Variants in SAMD4A observed in about 807,000 individuals in gnomAD.
SAMD4A encodes sterile alpha motif domain containing 4A, also known as protein Smaug homolog 1.
Under a neutral mutation model 81.3 loss-of-function variants are expected in SAMD4A, and 33 were observed. The observed-to-expected ratio is 0.41, with a 90% CI of 0.31 to 0.54. The LOEUF (loss-of-function observed/expected upper bound fraction) is 0.54, where lower values mean the gene tolerates loss of function less well. SAMD4A is among the 20% of genes least tolerant of loss of function. The pLI is 0.37. For missense variants in SAMD4A, 854 were observed against 951.1 expected, an observed-to-expected ratio of 0.90 and a Z score of 1.34; for synonymous variants, 389 against 382.1, an observed-to-expected ratio of 1.02 and a Z score of -0.21.
Position 54,568,014 on chromosome 14 carries a change from T to C in SAMD4A, c.98T>C (p.Val33Ala), listed in dbSNP as rs764016404. The change falls in exon 2 of 13, where the codon GTG (valine) becomes GCG (alanine). Residue 33 changes from valine (V) to alanine (A), a missense_variant. By Grantham distance (64) the Val-to-Ala change is moderately conservative. Coordinates refer to ENST00000554335, the MANE Select transcript of SAMD4A (RefSeq NM_015589.6). ...GCGCTGCTGTCGCTGCTCAAGCGCG[T>C]GAGCCAGACCCAGGCCCGCTTCCTC... ...TVALLSLLKR[V>A]SQTQARFLQL... 2 of 1,607,742 alleles carry C rather than the reference T, an allele frequency of 1.2e-6. No individual in the cohort carries two copies. The highest frequency in any genetic ancestry group is 1.7e-6 in the Non-Finnish European group (2 of 1,179,492).
chr14:54,722,186 C>T (rs546550637), intron 3 of SAMD4A, among the ~76,000 whole-genome samples: 2 of 152,124 alleles, frequency 1.3e-5, no homozygotes, highest in East Asian at 1.9e-4. Context: ...GGTGGCAGTC[C>T]CTCTGACCAG....
intron 3 of SAMD4A, among the ~76,000 whole-genome samples, chr14:54,706,899 G>A (rs1176215776): frequency 6.6e-6 from 1 of 152,120 alleles, no homozygotes; most frequent in Non-Finnish European, 1.5e-5. Flanking sequence ...CTAGGCATAG[G>A]AGTGACATGC....
At chr14:54,592,026 G>T (rs1290469897) in intron 2 of SAMD4A, among the ~76,000 whole-genome samples, 4 of 151,872 alleles carry the variant, frequency 2.6e-5, no homozygotes, top group Non-Finnish European at 4.4e-5. Context: ...AGCTTAAACT[G>T]CCCTTCCTCC....
chr14:54,740,121 G>A (rs574445349), intron 4 of SAMD4A, among the ~76,000 whole-genome samples: 1 of 152,362 alleles, frequency 6.6e-6, no homozygotes, highest in Non-Finnish European at 1.5e-5. Context: ...AGTGAGCCAA[G>A]ATCGCGCCAC....
At chr14:54,757,812 G>A (rs1049440974) in intron 6 of SAMD4A, among the ~76,000 whole-genome samples, 14 of 152,174 alleles carry the variant, frequency 9.2e-5, no homozygotes, top group South Asian at 4.1e-4. Context: ...TGGTTGGGCC[G>A]TTGGCAGGAC....
Position 54,617,361 on chromosome 14 carries a change from A to G in SAMD4A, c.196+49249A>G, listed in dbSNP as rs571495136. On this transcript the variant is annotated intron_variant, in intron 2 of 12. Transcript: ENST00000554335. ...CAAACTATATTACAAGAACATGCATATGTGAATTCCTATTAATATTGAAAG... is the reference window on the plus strand; with the variant it reads ...CAAACTATATTACAAGAACATGCATGTGTGAATTCCTATTAATATTGAAAG... Among the ~76,000 whole-genome samples the G allele has an allele frequency of 3.3e-4, 51 of 152,326 alleles. 1 individual carries two copies. In the South Asian group the frequency reaches 7.0e-3, roughly 21 times the overall value.
At chr14:54,753,252 T>C (rs184056090) in intron 6 of SAMD4A, among the ~76,000 whole-genome samples, 4 of 152,394 alleles carry the variant, frequency 2.6e-5, no homozygotes, top group East Asian at 1.9e-4. Flanking sequence ...GGAAGAAACC[T>C]TGGACAATAC....
chr14:54,765,026 C>G (rs1180695366), intron 8 of SAMD4A, among the ~76,000 whole-genome samples: 1 of 152,146 alleles, frequency 6.6e-6, no homozygotes, highest in Non-Finnish European at 1.5e-5. Flanking sequence ...GCCACATATC[C>G]TTTTGGAGGA....
intron 2 of SAMD4A, among the ~76,000 whole-genome samples, chr14:54,646,272 T>C (rs1346571104): frequency 2.0e-5 from 3 of 152,200 alleles, no homozygotes; most frequent in Non-Finnish European, 4.4e-5. Flanking sequence ...TGAGAGCCAG[T>C]TGAAGCTTTC....
At chr14:54,575,694 T>C (rs1055787121) in intron 2 of SAMD4A, among the ~76,000 whole-genome samples, 2 of 152,244 alleles carry the variant, frequency 1.3e-5, no homozygotes, top group African/African-American at 4.8e-5. Context: ...GTGTGTTTCA[T>C]ATGATGGAAT....
chr14:54,736,162 A>G (rs2037686476), intron 3 of SAMD4A, among the ~76,000 whole-genome samples: 1 of 152,128 alleles, frequency 6.6e-6, no homozygotes, highest in South Asian at 2.1e-4. Context: ...ACTTCAATTT[A>G]ATTTGGCTAG....
At chr14:54,756,154 T>A (rs2038232858) in intron 6 of SAMD4A, among the ~76,000 whole-genome samples, 1 of 152,144 alleles carries the variant, frequency 6.6e-6, no homozygotes, top group Non-Finnish European at 1.5e-5. Flanking sequence ...ACCAGTAAGG[T>A]GCATTGTATA....
At chr14:54,696,358 T>G (rs890071203) in intron 2 of SAMD4A, among the ~76,000 whole-genome samples, 2 of 152,252 alleles carry the variant, frequency 1.3e-5, no homozygotes, top group African/African-American at 4.8e-5. Context: ...ACATGATGTG[T>G]CTAGGATTGA....
At chr14:54,728,459 G>A (rs2037479572) in intron 3 of SAMD4A, among the ~76,000 whole-genome samples, 1 of 152,062 alleles carries the variant, frequency 6.6e-6, no homozygotes, top group African/African-American at 2.4e-5. Context: ...TAATTAAGGA[G>A]CCAGGAGAGC....
chr14:54,617,078 C>T (rs1317659420), intron 2 of SAMD4A, among the ~76,000 whole-genome samples: 1 of 151,970 alleles, frequency 6.6e-6, no homozygotes, highest in African/African-American at 2.4e-5. Context: ...ATTTAAAAAC[C>T]ATGGGATTTT....
chr14:54,733,433 T>G (rs1418324067), intron 3 of SAMD4A, among the ~76,000 whole-genome samples: 1 of 152,184 alleles, frequency 6.6e-6, no homozygotes, highest in Non-Finnish European at 1.5e-5. Context: ...TTGGTTTCCA[T>G]GTTTTAAGAG....
intron 2 of SAMD4A, among the ~76,000 whole-genome samples, chr14:54,679,900 T>A (rs1161145367): frequency 6.6e-6 from 1 of 152,222 alleles, no homozygotes; most frequent in Non-Finnish European, 1.5e-5. Context: ...GTCTTCAAGA[T>A]TTGACAAGAG....
chr14:54,626,048 GT>G, intron 2 of SAMD4A, among the ~76,000 whole-genome samples: 1 of 131,096 alleles, frequency 7.6e-6, no homozygotes, highest in Non-Finnish European at 1.6e-5. Flanking sequence ...GTGTGTGTGT[GT>G]GTGTGTGTGT....
intron 4 of SAMD4A, among the ~76,000 whole-genome samples, chr14:54,745,952 G>T (rs2037958203): frequency 6.6e-6 from 1 of 152,222 alleles, no homozygotes; most frequent in South Asian, 2.1e-4. Flanking sequence ...TACAGTAGGT[G>T]GTTCTTAGCA....
Sources: allele counts gnomAD v4.1 joint callset (sites outside exome capture counted in the v4.1 genomes callset), GRCh38; gene constraint gnomAD v4.1.1; transcripts MANE v1.5; gene names NCBI Gene and HGNC (gene_info 2026-07-23, HGNC 2026-07-21).